The following NPAT variants were observed in gnomAD, a reference collection of about 807,000 sequenced individuals.
NPAT encodes nuclear protein, coactivator of histone transcription.
NPAT carries 52 observed loss-of-function variants against 130.7 expected under a neutral mutation model. The observed-to-expected ratio is 0.40, with a 90% CI of 0.32 to 0.50. The LOEUF is 0.50. NPAT is among the 20% of genes least tolerant of loss of function. NPAT has a pLI of 0.68. For missense variants in NPAT, 1,687 were observed against 1,662.6 expected (o/e 1.01, Z -0.26); for synonymous variants, 580 against 584.8 (o/e 0.99, Z 0.12).
chr11:108,202,226 A>G (rs1001874186), intron 1 of NPAT, among the ~76,000 whole-genome samples: 14 of 152,152 alleles, frequency 9.2e-5, no homozygotes, highest in African/African-American at 2.9e-4. Flanking sequence ...GGAAATTAAG[A>G]TATCATTATC....
rs1345357099 is a variant in NPAT, at chr11:108,161,530, G to A, written c.3556C>T (p.Leu1186=). 1 of 1,614,186 alleles carries A rather than the reference G, an allele frequency of 6.2e-7. No individual in the cohort carries two copies. The highest frequency in any genetic ancestry group is 8.5e-7 in the Non-Finnish European group (1 of 1,180,024). ...ERQKNPENSK[L]SIGQQNGGLR... is the part of the protein sequence containing the mutation. ...CCCCCATTTTGCTGCCCAATAGATA[G>A]TTTTGAATTTTCTGGATTTTTCTGT... Residue 1186 remains leucine (L), a synonymous_variant, in exon 17 of 18, where the codon CTA becomes TTA. Coordinates refer to ENST00000278612, the MANE Select transcript of NPAT (RefSeq NM_002519.3).
At chr11:108,222,412 C>T (rs2078531410) in intron 1 of NPAT, 88 bp downstream of exon 1, 2 of 1,406,858 alleles carry the variant, frequency 1.4e-6, no homozygotes, top group African/African-American at 1.4e-5. Flanking sequence ...CCCAAAGCTT[C>T]CCTACCAAGG....
chr11:108,177,153 T>G lies in NPAT; in HGVS notation c.907-63A>C, dbSNP rs61913699. On this transcript the variant is annotated intron_variant, in intron 10 of 17. Coordinates refer to ENST00000278612, the MANE Select transcript of NPAT (RefSeq NM_002519.3). ...TGAATTTATATATATTTACATATTATATATATATAAGACAGGGTCTCACTC... is the reference window on the plus strand; with the variant it reads ...TGAATTTATATATATTTACATATTAGATATATATAAGACAGGGTCTCACTC... 808 of 739,626 alleles carry G rather than the reference T, an allele frequency of 1.1e-3. 5 individuals carry two copies. The highest frequency in any genetic ancestry group is 1.7e-3 in the Non-Finnish European group (760 of 455,126). The allele number at this position is 739,626 out of a possible 1,614,324, so 45.8% of individuals were successfully genotyped here. A position where few individuals can be genotyped will look rare whatever the true frequency, so the allele number is the denominator to read the frequency against.
At chr11:108,200,177 A>T (rs2078261890) in intron 1 of NPAT, among the ~76,000 whole-genome samples, 1 of 152,186 alleles carries the variant, frequency 6.6e-6, no homozygotes, top group Non-Finnish European at 1.5e-5. Flanking sequence ...CAATCATGTC[A>T]GGAGTCAGCA....
chr11:108,173,502 T>C lies in NPAT; in HGVS notation c.1482A>G (p.Val494=), dbSNP rs921024825. 2.5e-6 allele frequency: 4 copies of C among 1,614,064 alleles called. No individual in the cohort carries two copies. Among genetic ancestry groups the C allele is most frequent in the African/African-American group, 1.3e-5 (1 of 74,928 alleles). ...CAGGCTGTAACTGAGATTCACTCGG[T>C]ACATTTGAAGACAAAGAGTTCTTTT... ...GIEKNSLSSN[V]PSESQLQPDQ... is the part of the protein sequence containing the mutation. Residue 494 remains valine (V), a synonymous_variant, in exon 13 of 18, where the codon GTA becomes GTG. Transcript: ENST00000278612.
At position 108,172,421 on chromosome 11, in the gene NPAT, C is replaced by G; in HGVS notation, c.2563G>C (p.Ala855Pro). ...GAATTGCCAAAAGCTGTGCTTGTGG[C>G]TGGCATCAACTGTATATATCCTCCA... is the stretch of plus-strand genomic sequence containing the variant. ...KDGGYIQLMP[A>P]TSTAFGNSNN... is the part of the protein sequence containing the mutation. Residue 855 changes from alanine to proline, a missense_variant, in exon 13 of 18, where the codon GCC (alanine) becomes CCC (proline). Coordinates refer to ENST00000278612, the MANE Select transcript of NPAT (RefSeq NM_002519.3). 1.2e-6 allele frequency: 2 copies of G among 1,614,206 alleles called. No homozygotes were observed. The highest frequency in any genetic ancestry group is 2.2e-5 in the South Asian group (2 of 91,086).
chr11:108,164,122 T>G (rs1032380525), intron 15 of NPAT, among the ~76,000 whole-genome samples: 2 of 152,114 alleles, frequency 1.3e-5, no homozygotes, highest in African/African-American at 4.8e-5. Flanking sequence ...GAAAGTGAAG[T>G]TTAATACTGG....
At chr11:108,201,356 G>T (rs191688090) in intron 1 of NPAT, among the ~76,000 whole-genome samples, 60 of 152,292 alleles carry the variant, frequency 3.9e-4, no homozygotes, top group Admixed American at 9.2e-4. Context: ...ACATAATAAA[G>T]GAGACTCAGG....
chr11:108,211,414 G>C (rs192920659), intron 1 of NPAT, among the ~76,000 whole-genome samples: 1 of 152,086 alleles, frequency 6.6e-6, no homozygotes, highest in Admixed American at 6.6e-5. Context: ...ATGGTGGTGT[G>C]CACCTGTGGT....
At chr11:108,168,903 T>C (rs2077924788) in intron 15 of NPAT, among the ~76,000 whole-genome samples, 1 of 152,174 alleles carries the variant, frequency 6.6e-6, no homozygotes, top group Admixed American at 6.5e-5. Flanking sequence ...AGTGACTAGA[T>C]GACAAATGTA....
chr11:108,172,158 C>T (rs757125623), intron 13 of NPAT, 41 bp downstream of exon 13: 12 of 1,564,670 alleles, frequency 7.7e-6, no homozygotes, highest in African/African-American at 2.7e-5. Context: ...AATTAGATCC[C>T]AACCCAGAGA....
Position 108,161,248 on chromosome 11 carries a change from T to C in NPAT, c.3838A>G (p.Lys1280Glu). 2.5e-6 allele frequency: 4 copies of C among 1,614,184 alleles called. No homozygotes were observed. Among genetic ancestry groups the C allele is most frequent in the Non-Finnish European group, 3.4e-6 (4 of 1,180,040 alleles). ...TTGATAATATCTATAGGTTCTTCTT[T>C]ATGTTTTTCCCCTGCCCCTGAGCCA... ...TPGSGAGEKH[K>E]EEPIDIIKAP... Residue 1280 changes from lysine to glutamate, a missense_variant, in exon 17 of 18, where the codon AAA becomes GAA. Lys to Glu is a moderately conservative substitution (Grantham distance 56). This residue lies in a region of NPAT where 1,379 missense variants were observed against 1,346.6 expected (regional missense o/e 1.02). Coordinates refer to ENST00000278612, the MANE Select transcript of NPAT (RefSeq NM_002519.3).
intron 7 of NPAT, 28 bp downstream of exon 7, chr11:108,188,070 T>C (rs1436730209): frequency 1.3e-6 from 2 of 1,484,066 alleles, no homozygotes; most frequent in South Asian, 1.1e-5. Context: ...TGGATACGGG[T>C]AACTTGTCTC....
At chr11:108,207,150 T>C (rs1429412296) in intron 1 of NPAT, among the ~76,000 whole-genome samples, 3 of 151,780 alleles carry the variant, frequency 2.0e-5, no homozygotes, top group Admixed American at 2.0e-4. Context: ...AGACCCACAG[T>C]GAGTAGCTCC....
At position 108,161,049 on chromosome 11, in the gene NPAT, G is replaced by C. The variant is rs756660117; in HGVS notation, c.4037C>G (p.Thr1346Ser). ...ATCTTTCAGAGGAGTTGCTGAAGTA[G>C]TCCTAGAAATGGCTGCCCTGGAGAG... ...MILSRAAISR[T>S]TSATPLKDNT... Residue 1346 changes from threonine (T) to serine (S), a missense_variant, in exon 17 of 18, where the codon ACT (threonine) becomes AGT (serine). By Grantham distance (58) the Thr-to-Ser change is moderately conservative. Transcript: ENST00000278612. 6.2e-7 allele frequency: 1 copy of C among 1,614,160 alleles called. No individual in the cohort carries two copies. The highest frequency in any genetic ancestry group is 1.1e-5 in the South Asian group (1 of 91,074).
At chr11:108,169,140 A>G (rs985620113) in intron 15 of NPAT, among the ~76,000 whole-genome samples, 4 of 152,208 alleles carry the variant, frequency 2.6e-5, no homozygotes, top group Non-Finnish European at 5.9e-5. Context: ...TTGAACTAAG[A>G]AGGAGAGGAA....
At chr11:108,167,802 G>A (rs1234805306) in intron 15 of NPAT, among the ~76,000 whole-genome samples, 1 of 152,120 alleles carries the variant, frequency 6.6e-6, no homozygotes, top group Non-Finnish European at 1.5e-5. Context: ...AACTTTGTAA[G>A]GGATAAAAAC....
chr11:108,173,255 T>C lies in NPAT; in HGVS notation c.1729A>G (p.Lys577Glu). 1 of 1,609,496 alleles carries C rather than the reference T, an allele frequency of 6.2e-7. No homozygotes were observed. Among genetic ancestry groups the C allele is most frequent in the Non-Finnish European group, 8.5e-7 (1 of 1,176,210 alleles). ...SKSSDSSEVH[K>E]SKIEINVLEP... Reference sequence around the variant, plus strand: ...AACACATTAATTTCTATTTTACTCTTGTGAACTTCACTAGAATCTGATGAC... The same window carrying C: ...AACACATTAATTTCTATTTTACTCTCGTGAACTTCACTAGAATCTGATGAC... The change falls in exon 13 of 18, where the codon AAG (lysine) becomes GAG (glutamate). Residue 577 changes from lysine to glutamate, a missense_variant. This residue lies in a region of NPAT where 1,379 missense variants were observed against 1,346.6 expected (regional missense o/e 1.02). Coordinates refer to ENST00000278612, the MANE Select transcript of NPAT (RefSeq NM_002519.3).
chr11:108,185,209 A>C, intron 10 of NPAT, 23 bp downstream of exon 10: 6 of 1,537,198 alleles, frequency 3.9e-6, no homozygotes, highest in Non-Finnish European at 5.4e-6. Flanking sequence ...ACACGCACCC[A>C]TGCACACCCC....
Sources: gnomAD v4.1 joint callset for allele counts (sites outside exome capture counted in the v4.1 genomes callset) on GRCh38, gnomAD v4.1.1 for gene constraint, gnomAD v4.1.1 regional missense constraint, MANE v1.5 for transcripts, NCBI Gene and HGNC (gene_info 2026-07-23, HGNC 2026-07-21) for gene names.